The following KLRG1 variants were observed in gnomAD, a reference collection of about 807,000 sequenced individuals.
KLRG1 encodes killer cell lectin-like receptor subfamily G member 1.
Under a neutral mutation model 21.8 loss-of-function variants are expected in KLRG1, and 16 were observed. The ratio of observed to expected loss-of-function variants is 0.73; its 90% CI spans 0.50 to 1.11. The LOEUF (loss-of-function observed/expected upper bound fraction) is 1.11, where lower values mean the gene tolerates loss of function less well. Among genes scored for constraint, KLRG1 ranks in the 50% most tolerant of loss-of-function variants. The pLI is 0.00. For missense variants in KLRG1, 173 were observed against 218.3 expected, an observed-to-expected ratio of 0.79 and a Z score of 1.31; for synonymous variants, 69 against 75.9, an observed-to-expected ratio of 0.91 and a Z score of 0.47.
chr12:8,986,538 T>C (rs1450549538), upstream of KLRG1, among the ~76,000 whole-genome samples: 1 of 152,208 alleles, frequency 6.6e-6, no homozygotes, highest in Non-Finnish European at 1.5e-5. Flanking sequence ...CATTGGGAGC[T>C]TTTCCAGGTT....
At chr12:9,068,761 C>G in the KLRG1 span, 1 of 1,606,740 alleles carries the variant, frequency 6.2e-7, no homozygotes, top group Non-Finnish European at 8.5e-7. Flanking sequence ...TAATCATAGA[C>G]TTTCACTATG....
chr12:9,175,887 G>A, the KLRG1 span, among the ~76,000 whole-genome samples: 2 of 152,156 alleles, frequency 1.3e-5, no homozygotes, highest in Non-Finnish European at 2.9e-5. Flanking sequence ...AACCACTGTG[G>A]AAGAAAGTGT....
the KLRG1 span, among the ~76,000 whole-genome samples, chr12:9,148,503 C>G: frequency 6.6e-6 from 1 of 152,088 alleles, no homozygotes; most frequent in South Asian, 2.1e-4. Context: ...CTAAAATGCA[C>G]TTTAATTATC....
the KLRG1 span, among the ~76,000 whole-genome samples, chr12:9,030,997 T>C: frequency 2.6e-5 from 4 of 152,196 alleles, no homozygotes; most frequent in South Asian, 8.3e-4. Flanking sequence ...AGTGAGAGAA[T>C]GGTCAAATTG....
intron 1 of KLRG1, among the ~76,000 whole-genome samples, chr12:8,954,885 CAAAAT>C (rs1381316099): frequency 2.0e-5 from 3 of 151,896 alleles, no homozygotes; most frequent in African/African-American, 7.3e-5. Flanking sequence ...CTTGTTAAGG[CAAAAT>C]ATATAAGTCA....
rs1218823556 is a variant in KLRG1, at chr12:9,009,486, C to T, written c.519C>T (p.Ala173=). 6.2e-7 allele frequency: 1 copy of T among 1,613,850 alleles called. No homozygotes were observed. Among genetic ancestry groups the T allele is most frequent in the Non-Finnish European group, 8.5e-7 (1 of 1,179,926 alleles). Residue 173 remains alanine, a synonymous_variant, in exon 5 of 5, where the codon GCC becomes GCT. Transcript: ENST00000356986. ...CGAINKNGLQ[A]SSCEVPLHWV... Reference sequence around the variant, plus strand: ...CCATCAACAAAAATGGTCTTCAAGCCTCAAGCTGTGAAGTTCCTTTACACT... The same window carrying T: ...CCATCAACAAAAATGGTCTTCAAGCTTCAAGCTGTGAAGTTCCTTTACACT...
the KLRG1 span, among the ~76,000 whole-genome samples, chr12:9,087,740 A>C: frequency 0.068 from 10,327 of 152,160 alleles, 414 homozygotes; most frequent in Non-Finnish European, 0.096. Flanking sequence ...ATCACTTTGT[A>C]TGCTGTATAT....
chr12:9,142,325 C>A, the KLRG1 span, among the ~76,000 whole-genome samples: 4 of 152,130 alleles, frequency 2.6e-5, no homozygotes, highest in African/African-American at 9.7e-5. Flanking sequence ...AAAAATTACA[C>A]AAGCAAAGAT....
the KLRG1 span, chr12:9,098,430 T>TTATATA: frequency 1.0e-5 from 3 of 285,978 alleles, no homozygotes; most frequent in Non-Finnish European, 1.7e-5. Flanking sequence ...AAGTGAGTAG[T>TTATATA]TATATATATA....
chr12:9,208,474 T>G, the KLRG1 span: 1 of 656,266 alleles, frequency 1.5e-6, no homozygotes, highest in Non-Finnish European at 2.7e-6. Flanking sequence ...TGAATAGAGT[T>G]CAGAATTGAG....
At position 9,009,981 on chromosome 12, in the gene KLRG1, A is replaced by G. The variant is rs907382075; in HGVS notation, c.*444A>G. The G allele has an allele frequency of 1.3e-6, 2 of 1,533,426 alleles. No individual in the cohort carries two copies. The highest frequency in any genetic ancestry group is 2.7e-5 in the African/African-American group (2 of 72,932). The allele number at this position is 1,533,426 out of a possible 1,614,324, so 95.0% of individuals were successfully genotyped here. A position where few individuals can be genotyped will look rare whatever the true frequency, so the allele number is the denominator to read the frequency against. ...CTGTACATTACTGATCCCTGATGGT[A>G]TATTTCTATCCTAACAGTGTCCCTT... is the stretch of plus-strand genomic sequence containing the variant. On this transcript the variant is annotated 3_prime_UTR_variant, in exon 5 of 5. Coordinates refer to ENST00000356986, the MANE Select transcript of KLRG1 (RefSeq NM_005810.4).
the KLRG1 span, chr12:9,194,071 A>G: frequency 1.2e-6 from 2 of 1,611,064 alleles, no homozygotes; most frequent in Admixed American, 3.3e-5. Flanking sequence ...GTCTTTCTAT[A>G]CTTACCCGGA....
At chr12:9,116,002 T>C in the KLRG1 span, 2 of 696,014 alleles carry the variant, frequency 2.9e-6, no homozygotes, top group South Asian at 1.5e-5. Flanking sequence ...CTAAACAAAG[T>C]TGAGGTCTCT....
the KLRG1 span, chr12:9,164,019 C>T: frequency 7.2e-7 from 1 of 1,392,706 alleles, no homozygotes; most frequent in Non-Finnish European, 9.7e-7. Flanking sequence ...GGAAAAAAAA[C>T]TAACTTTATA....
At chr12:9,016,047 T>A in the KLRG1 span, among the ~76,000 whole-genome samples, 1 of 151,726 alleles carries the variant, frequency 6.6e-6, no homozygotes, top group Non-Finnish European at 1.5e-5. Context: ...ACCACCTACA[T>A]AAAAAAGTAA....
At chr12:9,011,182 G>A (rs971837749), downstream of KLRG1, among the ~76,000 whole-genome samples, 2 of 152,086 alleles carry the variant, frequency 1.3e-5, no homozygotes, top group Non-Finnish European at 2.9e-5. Context: ...CTGTGACTAG[G>A]GTTCAGGCCT....
chr12:9,152,891 G>A, the KLRG1 span: 2 of 1,613,982 alleles, frequency 1.2e-6, no homozygotes, highest in African/African-American at 2.7e-5. Flanking sequence ...GGCACAGTCT[G>A]CACTTTTAAA....
At chr12:9,103,210 G>A in the KLRG1 span, among the ~76,000 whole-genome samples, 1 of 152,226 alleles carries the variant, frequency 6.6e-6, no homozygotes, top group Non-Finnish European at 1.5e-5. Flanking sequence ...GTTAAAGGGG[G>A]CTTACTAAGT....
At chr12:9,214,164 C>T in the KLRG1 span, among the ~76,000 whole-genome samples, 8 of 152,060 alleles carry the variant, frequency 5.3e-5, no homozygotes, top group East Asian at 1.5e-3. Context: ...TATTTATGGA[C>T]TCTCAATGTT....
Sources: gnomAD v4.1 joint callset for allele counts (sites outside exome capture counted in the v4.1 genomes callset) on GRCh38, gnomAD v4.1.1 for gene constraint, MANE v1.5 for transcripts, NCBI Gene and HGNC (gene_info 2026-07-23, HGNC 2026-07-21) for gene names.